Variants in ATP2B1 observed in about 807,000 individuals in gnomAD.
ATP2B1 encodes plasma membrane calcium-transporting ATPase 1.
A neutral mutation model predicts 124.2 loss-of-function variants in ATP2B1; 14 were observed. The ratio of observed to expected loss-of-function variants is 0.11; its 90% confidence interval spans 0.07 to 0.18. The LOEUF (loss-of-function observed/expected upper bound fraction) is 0.18, where lower values mean the gene tolerates loss of function less well. Ranked by LOEUF, ATP2B1 falls within the 10% of genes least tolerant of loss-of-function variation. The pLI is 1.00. For synonymous variants in ATP2B1, 449 were observed against 492.4 expected (o/e 0.91, Z 1.17); for missense variants, 763 against 1,466.1 (o/e 0.52, Z 7.83).
At position 89,603,025 on chromosome 12, in the gene ATP2B1, T is replaced by C; in HGVS notation, c.3060+18A>G. 6.2e-7 allele frequency: 1 copy of C among 1,608,174 alleles called. No individual in the cohort carries two copies. The highest frequency in any genetic ancestry group is 1.3e-5 in the African/African-American group (1 of 74,882). ...CATTTAACAGGCAAATTTGAAACTATCTTTTCCAATTACCCACCTGTACCA... is the reference window on the plus strand; with the variant it reads ...CATTTAACAGGCAAATTTGAAACTACCTTTTCCAATTACCCACCTGTACCA... On this transcript the variant is annotated intron_variant, in intron 18 of 20. Coordinates refer to ENST00000428670, the MANE Select transcript of ATP2B1 (RefSeq NM_001366521.1). This position sits in a 1 kb window ranked among gnomAD's most constrained non-coding sequence, Gnocchi z 4.3.
At chr12:89,621,892 C>T in intron 9 of ATP2B1, 101 bp from the exon 10 acceptor site, 1 of 1,212,836 alleles carries the variant, frequency 8.2e-7, no homozygotes, top group Non-Finnish European at 1.1e-6. Context: ...AGAAAACTCC[C>T]AGCTTTCTAT....
intron 9 of ATP2B1, 137 bp from the exon 10 acceptor site, chr12:89,621,928 T>A: frequency 1.1e-6 from 1 of 948,450 alleles, no homozygotes; most frequent in Non-Finnish European, 1.4e-6. Flanking sequence ...AGTACCAATG[T>A]AATACTGAAA....
At chr12:89,664,492 A>G (rs142687638) in intron 1 of ATP2B1, among the ~76,000 whole-genome samples, 15 of 152,226 alleles carry the variant, frequency 9.9e-5, no homozygotes, top group African/African-American at 3.6e-4. Context: ...CTAATTTTGC[A>G]AGGTTATACT....
intron 2 of ATP2B1, among the ~76,000 whole-genome samples, chr12:89,644,163 G>T (rs1244622823): frequency 6.6e-6 from 1 of 152,100 alleles, no homozygotes; most frequent in Non-Finnish European, 1.5e-5. Context: ...TGCTAGAGAA[G>T]AAGGCAGAGA....
At chr12:89,672,325 G>A (rs1277477882) in intron 1 of ATP2B1, among the ~76,000 whole-genome samples, 1 of 151,922 alleles carries the variant, frequency 6.6e-6, no homozygotes, top group East Asian at 1.9e-4. Context: ...ATAGTGGCGG[G>A]TGCCTGTAAT....
Position 89,620,141 on chromosome 12 carries a change from C to T in ATP2B1, c.1687G>A (p.Val563Ile). Residue 563 changes from valine (V) to isoleucine (I), a missense_variant, in exon 11 of 21, where the codon GTT (valine) becomes ATT (isoleucine). This residue lies in a region of ATP2B1 where 392 missense variants were observed against 776.6 expected (regional missense o/e 0.50). Coordinates refer to ENST00000428670, the MANE Select transcript of ATP2B1 (RefSeq NM_001366521.1). ...LLDLKRDYQD[V>I]RNEIPEEALY... is the part of the protein sequence containing the mutation. ...GCTTCTTCTGGTATTTCATTTCTAA[C>T]ATCCTGATAATCCCGTTTTAAATCC... The T allele has an allele frequency of 1.2e-6, 2 of 1,614,074 alleles. No homozygotes were observed. The highest frequency in any genetic ancestry group is 1.7e-6 in the Non-Finnish European group (2 of 1,180,000).
intron 9 of ATP2B1, 21 bp downstream of exon 9, chr12:89,624,162 A>G: frequency 6.2e-7 from 1 of 1,605,936 alleles, no homozygotes; most frequent in Non-Finnish European, 8.5e-7. Context: ...AACAACGTCT[A>G]CTGAACTATT....
intron 1 of ATP2B1, among the ~76,000 whole-genome samples, chr12:89,695,067 A>AAAAAAAAAAAAAG (rs776192730): frequency 7.5e-5 from 11 of 146,054 alleles, no homozygotes; most frequent in South Asian, 2.1e-4. Context: ...TCAAAAAAAA[A>AAAAAAAAAAAAAG]AAAAGAAAAG....
intron 1 of ATP2B1, among the ~76,000 whole-genome samples, chr12:89,708,321 C>A (rs1892764240): frequency 6.6e-6 from 1 of 152,152 alleles, no homozygotes; most frequent in East Asian, 1.9e-4. Context: ...CCAACAAGCC[C>A]CATCCCTCGG....
At chr12:89,618,448 T>G (rs910242745) in intron 11 of ATP2B1, among the ~76,000 whole-genome samples, 1 of 151,650 alleles carries the variant, frequency 6.6e-6, no homozygotes, top group Non-Finnish European at 1.5e-5. Flanking sequence ...AGAGAAAGAG[T>G]CAATGCCTGA....
chr12:89,658,732 C>CTTTTCCG (rs748451626), intron 1 of ATP2B1, among the ~76,000 whole-genome samples: 3 of 151,660 alleles, frequency 2.0e-5, no homozygotes, highest in Non-Finnish European at 4.4e-5. Flanking sequence ...CATCACTGAT[C>CTTTTCCG]TTTTCCGTAA....
chr12:89,672,632 A>T (rs1888135208), intron 1 of ATP2B1, among the ~76,000 whole-genome samples: 1 of 150,904 alleles, frequency 6.6e-6, no homozygotes, highest in South Asian at 2.1e-4. Flanking sequence ...TATTTATCTG[A>T]CCCTTCCTTC....
chr12:89,599,398 G>T, intron 19 of ATP2B1, 99 bp from the exon 20 acceptor site: 8 of 1,285,322 alleles, frequency 6.2e-6, no homozygotes, highest in South Asian at 1.5e-5. Flanking sequence ...GAGAGTATCC[G>T]ACTATCTTTA....
Position 89,590,879 on chromosome 12 carries a change from A to T in ATP2B1, c.*105T>A. On this transcript the variant is annotated 3_prime_UTR_variant, in exon 21 of 21. Coordinates refer to ENST00000428670, the MANE Select transcript of ATP2B1 (RefSeq NM_001366521.1). ...TTCGTACAAGTGTGTCTTCTGTTGA[A>T]GTCCAAAGACAAGAATACTAGCTTG... 1.8e-6 allele frequency: 2 copies of T among 1,103,078 alleles called. No individual in the cohort carries two copies. Among genetic ancestry groups the T allele is most frequent in the Non-Finnish European group, 2.6e-6 (2 of 764,904 alleles). The allele number at this position is 1,103,078 out of a possible 1,614,324, so 68.3% of individuals were successfully genotyped here.
chr12:89,628,259 G>A (rs1018930616), intron 6 of ATP2B1, among the ~76,000 whole-genome samples: 7 of 151,966 alleles, frequency 4.6e-5, no homozygotes, highest in South Asian at 2.1e-4. Flanking sequence ...AAAATTAGCC[G>A]GGTGTGGTGG....
rs751828600 is a variant in ATP2B1 at position 89,655,866 on chromosome 12, G to A, written c.21C>T (p.Asn7=). The A allele has an allele frequency of 1.9e-6, 3 of 1,600,120 alleles. No individual in the cohort carries two copies. Among genetic ancestry groups the A allele is most frequent in the South Asian group, 2.2e-5 (2 of 90,092 alleles). ...TTTTCACACCACTGTAAGCAACTGA[G>A]TTGTTTGCCATGTCGCCCATTACAA... The part of the protein sequence containing the change: MGDMAN[N]SVAYSGVKNS... Residue 7 remains asparagine, a synonymous_variant, in exon 2 of 21, where the codon AAC becomes AAT. Transcript: ENST00000428670.
chr12:89,633,189 A>C (rs1031770430), intron 5 of ATP2B1, among the ~76,000 whole-genome samples: 3 of 152,174 alleles, frequency 2.0e-5, no homozygotes, highest in African/African-American at 7.2e-5. Context: ...ATTATACTTA[A>C]ATACATTATA....
intron 20 of ATP2B1, among the ~76,000 whole-genome samples, chr12:89,597,767 G>T (rs1006805669): frequency 6.6e-6 from 1 of 151,898 alleles, no homozygotes; most frequent in Non-Finnish European, 1.5e-5. Context: ...AGCTTATAAG[G>T]CTTTTAGAAA....
In ATP2B1 at chr12:89,589,583, C is replaced by T. The variant is rs998999258; in HGVS notation, c.*1401G>A. The T allele has an allele frequency of 2.0e-5, 3 of 151,934 alleles. No homozygotes were observed. The highest frequency in any genetic ancestry group is 7.3e-5 in the African/African-American group (3 of 41,358). 9.4% of individuals were successfully genotyped at this position (151,934 alleles called of 1,614,324 possible). ...TTTTTACCTGTGAGACTATTTTAGA[C>T]AAACTAAATTCAATGAAGAGTATGT... On this transcript the variant is annotated 3_prime_UTR_variant, in exon 21 of 21. Transcript: ENST00000428670.
Sources: allele counts gnomAD v4.1 joint callset (sites outside exome capture counted in the v4.1 genomes callset), GRCh38; gene constraint gnomAD v4.1.1; regional missense constraint gnomAD v4.1.1; non-coding constraint Gnocchi (gnomAD v3.1); transcripts MANE v1.5; gene names NCBI Gene and HGNC (gene_info 2026-07-23, HGNC 2026-07-21).